PHEX: variants seen among roughly 807,000 people sequenced by gnomAD.
The protein encoded by PHEX is phosphate-regulating neutral endopeptidase PHEX.
PHEX carries 16 observed loss-of-function variants against 68.0 expected under a neutral mutation model. That is an observed-to-expected ratio of 0.24 (90% CI 0.16 to 0.36). The LOEUF is 0.36. PHEX is among the 10% of genes least tolerant of loss of function. The pLI, the probability that PHEX is intolerant of heterozygous loss-of-function variation, is 1.00. For missense variants in PHEX, 480 were observed against 575.5 expected (o/e 0.83, Z 1.70); for synonymous variants, 208 against 205.1 (o/e 1.01, Z -0.12).
At chrX:22,203,607 C>A (rs775661114) in intron 15 of PHEX, among the ~76,000 whole-genome samples, 1 of 111,055 alleles carries the variant, frequency 9.0e-6, no homozygotes, top group South Asian at 3.9e-4. Flanking sequence ...GACTGATGGC[C>A]CCCTAGATTC....
At chrX:22,205,929 T>A (rs1373338068) in intron 15 of PHEX, among the ~76,000 whole-genome samples, 1 of 112,226 alleles carries the variant, frequency 8.9e-6, no homozygotes, top group East Asian at 2.8e-4. Context: ...TTCCAGCATA[T>A]ATCACAAACA....
chrX:22,151,167 T>C (rs1411518129), intron 12 of PHEX, among the ~76,000 whole-genome samples: 1 of 112,184 alleles, frequency 8.9e-6, no homozygotes, highest in Non-Finnish European at 1.9e-5. Flanking sequence ...GCCCCAGATA[T>C]GGCTATTAAT....
At chrX:22,075,839 CA>C (rs1324380402) in intron 3 of PHEX, among the ~76,000 whole-genome samples, 1 of 111,727 alleles carries the variant, frequency 9.0e-6, no homozygotes, top group African/African-American at 3.3e-5. Flanking sequence ...GTAGGTTTTC[CA>C]ATCTTGTCTT....
intron 11 of PHEX, among the ~76,000 whole-genome samples, chrX:22,122,849 A>C (rs755429016): frequency 9.0e-6 from 1 of 111,014 alleles, no homozygotes; most frequent in South Asian, 3.8e-4. Context: ...GCAGAAGTTC[A>C]AGCAAGCAAG....
chrX:22,247,154 A>T (rs1936416355), intron 21 of PHEX, among the ~76,000 whole-genome samples: 1 of 112,373 alleles, frequency 8.9e-6, no homozygotes, highest in Non-Finnish European at 1.9e-5. Flanking sequence ...TCATTAATTG[A>T]CTGATTGTTG....
At chrX:22,130,832 A>G (rs1314993575) in intron 11 of PHEX, among the ~76,000 whole-genome samples, 3 of 109,845 alleles carry the variant, frequency 2.7e-5, no homozygotes, top group Non-Finnish European at 5.7e-5. Flanking sequence ...TGAGCAGATC[A>G]TAGACTCCTT....
intron 3 of PHEX, among the ~76,000 whole-genome samples, chrX:22,072,275 G>C (rs769341796): frequency 5.5e-4 from 61 of 110,603 alleles, no homozygotes; most frequent in African/African-American, 1.6e-3. Context: ...GCTGGGCATG[G>C]TGACATGTGT....
intron 11 of PHEX, among the ~76,000 whole-genome samples, chrX:22,120,334 T>C (rs1386414574): frequency 9.0e-6 from 1 of 111,670 alleles, no homozygotes; most frequent in Non-Finnish European, 1.9e-5. Flanking sequence ...CCCTTGCTTA[T>C]CTCTGAAGGC....
intron 6 of PHEX, among the ~76,000 whole-genome samples, chrX:22,090,817 A>C (rs763851520): frequency 2.1e-4 from 24 of 111,933 alleles, no homozygotes; most frequent in Non-Finnish European, 3.9e-4. Flanking sequence ...AATTGCAGAA[A>C]TAAAGCGTCA....
Position 22,073,158 on chromosome X carries a change from GAACA to G in PHEX, c.350-3225_350-3222del, listed in dbSNP as rs1353111521. On this transcript the variant is annotated intron_variant, in intron 3 of 21. Transcript: ENST00000379374. ...ACAATATCCTGAGAAGCAAGCAGGA[GAACA>G]AACACAGTTATGGAGGAAGCACTAG... Among the ~76,000 whole-genome samples the G allele has an allele frequency of 3.6e-5, 4 of 111,785 alleles. No homozygotes were observed. In the East Asian group the frequency reaches 1.1e-3, roughly 31 times the overall value.
At chrX:22,178,222 C>A in intron 13 of PHEX, 51 bp from the exon 14 acceptor site, 1 of 829,094 alleles carries the variant, frequency 1.2e-6, no homozygotes, top group Non-Finnish European at 1.8e-6. Flanking sequence ...TTTTTTAGAG[C>A]CATCTTTTAT....
chrX:22,049,160 G>A (rs556418006), intron 3 of PHEX, among the ~76,000 whole-genome samples: 1 of 111,557 alleles, frequency 9.0e-6, no homozygotes, highest in African/African-American at 3.3e-5. Flanking sequence ...CCAGGCTGGA[G>A]TGCAATGGCA....
chrX:22,039,749 C>G (rs1927189511), intron 2 of PHEX, among the ~76,000 whole-genome samples: 2 of 111,745 alleles, frequency 1.8e-5, no homozygotes, highest in Non-Finnish European at 3.8e-5. Flanking sequence ...AGGGTCCAGT[C>G]TGGACCTAAG....
intron 3 of PHEX, among the ~76,000 whole-genome samples, chrX:22,049,637 C>T (rs1927717730): frequency 9.2e-6 from 1 of 109,193 alleles, no homozygotes; most frequent in Non-Finnish European, 1.9e-5. Context: ...TTTGGGAGGC[C>T]GAGGCAGGTG....
At chrX:22,187,137 C>T (rs1273234663) in intron 14 of PHEX, among the ~76,000 whole-genome samples, 1 of 111,817 alleles carries the variant, frequency 8.9e-6, no homozygotes, top group Non-Finnish European at 1.9e-5. Flanking sequence ...TTCTCTAGCT[C>T]AGAAGTCTAG....
At chrX:22,100,499 A>G (rs1442034948) in intron 9 of PHEX, among the ~76,000 whole-genome samples, 1 of 111,909 alleles carries the variant, frequency 8.9e-6, no homozygotes, top group Non-Finnish European at 1.9e-5. Context: ...GGTAATTTCC[A>G]TTGAAAGGTG....
intron 21 of PHEX, 136 bp downstream of exon 21, chrX:22,245,545 G>T: frequency 1.9e-6 from 1 of 526,301 alleles, no homozygotes. Flanking sequence ...TTTCCATTTT[G>T]CAGCCAAAAA....
chrX:22,126,864 G>T (rs866361046), intron 11 of PHEX, among the ~76,000 whole-genome samples: 4 of 54,599 alleles, frequency 7.3e-5, no homozygotes, highest in African/African-American at 1.5e-4. Context: ...TGAAATAGTT[G>T]TTTTTTTTTT....
chrX:22,094,182 G>A, intron 7 of PHEX, 83 bp downstream of exon 7: 2 of 560,610 alleles, frequency 3.6e-6, no homozygotes, highest in Admixed American at 2.6e-5. Context: ...TTTATTAAAG[G>A]CAGTATATCC....
Sources: allele counts gnomAD v4.1 joint callset (sites outside exome capture counted in the v4.1 genomes callset), GRCh38; gene constraint gnomAD v4.1.1; transcripts MANE v1.5; gene names NCBI Gene and HGNC (gene_info 2026-07-23, HGNC 2026-07-21).